The following DCLK2 variants were observed in gnomAD, a reference collection of about 807,000 sequenced individuals.
The protein encoded by DCLK2 is doublecortin like kinase 2.
In DCLK2, 31 loss-of-function variants were observed where a neutral mutation model predicts 78.4. That is an observed-to-expected ratio of 0.40 (90% CI 0.30 to 0.53). The LOEUF (loss-of-function observed/expected upper bound fraction) is 0.53, where lower values mean the gene tolerates loss of function less well. Ranked by LOEUF, DCLK2 falls within the 20% of genes least tolerant of loss-of-function variation. The pLI is 0.61. For synonymous variants in DCLK2, 407 were observed against 374.9 expected (o/e 1.09, Z -0.99); for missense variants, 872 against 973.7 (o/e 0.90, Z 1.39).
At chr4:150,179,185 G>T (rs1339719497) in intron 2 of DCLK2, among the ~76,000 whole-genome samples, 4 of 152,044 alleles carry the variant, frequency 2.6e-5, no homozygotes, top group African/African-American at 9.7e-5. Context: ...CCGCCACCAT[G>T]CCTGGCTAAT....
At chr4:150,190,267 A>G (rs376177437) in intron 2 of DCLK2, among the ~76,000 whole-genome samples, 2 of 111,504 alleles carry the variant, frequency 1.8e-5, no homozygotes, top group Non-Finnish European at 2.4e-5. Flanking sequence ...AGATAGATAG[A>G]TAGATAGATA....
intron 12 of DCLK2, among the ~76,000 whole-genome samples, chr4:150,245,523 C>T (rs1002543417): frequency 6.6e-6 from 1 of 152,236 alleles, no homozygotes; most frequent in Admixed American, 6.5e-5. Flanking sequence ...CCCCCTTCCC[C>T]TACCCCATGA....
At chr4:150,131,684 C>T (rs1733324696) in intron 2 of DCLK2, among the ~76,000 whole-genome samples, 1 of 152,098 alleles carries the variant, frequency 6.6e-6, no homozygotes, top group Admixed American at 6.6e-5. Context: ...TTGTCAAAAG[C>T]TCTTTTTATT....
chr4:150,177,618 G>T lies in DCLK2; in HGVS notation c.757-15520G>T, dbSNP rs150718411. Among the ~76,000 whole-genome samples, 125 of 152,216 alleles carry T rather than the reference G, an allele frequency of 8.2e-4. 1 individual carries two copies. The highest frequency in any genetic ancestry group is 5.6e-4 in the Non-Finnish European group (38 of 68,014). On this transcript the variant is annotated intron_variant, in intron 2 of 15. Transcript: ENST00000296550. The stretch of plus-strand genomic sequence containing the variant: ...ATGAAAAGTAATGATATTAATGATA[G>T]AATTATCTTTCAAAAGCAAAAGTTT...
intron 2 of DCLK2, among the ~76,000 whole-genome samples, chr4:150,135,165 T>TACACACACACACACACACAC (rs57866267): frequency 0.032 from 4,666 of 146,818 alleles, 90 homozygotes; most frequent in Middle Eastern, 0.059. Context: ...CATACACGTG[T>TACACACACACACACACACAC]ACACACACAC....
At chr4:150,082,495 A>G (rs1729374005) in intron 1 of DCLK2, among the ~76,000 whole-genome samples, 1 of 152,200 alleles carries the variant, frequency 6.6e-6, no homozygotes, top group Non-Finnish European at 1.5e-5. Flanking sequence ...GGAGACTAAA[A>G]GCTGTTCTAG....
intron 2 of DCLK2, among the ~76,000 whole-genome samples, chr4:150,158,885 G>A (rs1267437364): frequency 1.3e-5 from 2 of 151,988 alleles, no homozygotes; most frequent in African/African-American, 2.4e-5. Context: ...AGAAAGAAAT[G>A]CAAGCAGAAA....
In DCLK2 at chr4:150,203,811, C is replaced by A. The variant is rs1739634078; in HGVS notation, c.978C>A (p.Ser326Arg). 8.1e-6 allele frequency: 13 copies of A among 1,613,822 alleles called. No individual in the cohort carries two copies. The highest frequency in any genetic ancestry group is 1.0e-5 in the Non-Finnish European group (12 of 1,179,892). ...KSPASVNGTP[S>R]SQLSTPKSTK... ...CATGGGCAGTTAATGGAACTCCCAGCAGCCAACTTTCTACTCCTAAATCTA... is the reference window on the plus strand; with the variant it reads ...CATGGGCAGTTAATGGAACTCCCAGAAGCCAACTTTCTACTCCTAAATCTA... The change falls in exon 5 of 16, where the codon AGC becomes AGA. Residue 326 changes from serine (S) to arginine (R), a missense_variant. Physicochemically the swap from Ser to Arg is moderately radical, Grantham distance 110. Around this residue, in one of 3 missense-constraint regions of DCLK2, gnomAD observed 567 missense variants for 593.4 expected, o/e 0.96. Coordinates refer to ENST00000296550, the MANE Select transcript of DCLK2 (RefSeq NM_001040260.4).
At chr4:150,122,267 A>T (rs1732604026) in intron 2 of DCLK2, among the ~76,000 whole-genome samples, 1 of 152,222 alleles carries the variant, frequency 6.6e-6, no homozygotes, top group Admixed American at 6.5e-5. Flanking sequence ...TATATACCCA[A>T]AGGATTATAA....
intron 2 of DCLK2, among the ~76,000 whole-genome samples, chr4:150,158,933 T>C (rs1735511306): frequency 6.6e-6 from 1 of 151,954 alleles, no homozygotes; most frequent in African/African-American, 2.4e-5. Flanking sequence ...GGAATGAAAA[T>C]GCAGGGCTTA....
At chr4:150,081,737 A>T (rs1008053505) in intron 1 of DCLK2, among the ~76,000 whole-genome samples, 1 of 151,914 alleles carries the variant, frequency 6.6e-6, no homozygotes, top group Admixed American at 6.6e-5. Flanking sequence ...CACGTCTGTA[A>T]TCTCAGCACT....
At chr4:150,237,844 A>G (rs930334034) in intron 10 of DCLK2, among the ~76,000 whole-genome samples, 1 of 152,278 alleles carries the variant, frequency 6.6e-6, no homozygotes, top group African/African-American at 2.4e-5. Context: ...ATAGAAAAAT[A>G]GAAACAGGCA....
chr4:150,196,805 A>G (rs961518102), intron 3 of DCLK2, among the ~76,000 whole-genome samples: 1 of 152,210 alleles, frequency 6.6e-6, no homozygotes, highest in East Asian at 1.9e-4. Flanking sequence ...AGCAATACTT[A>G]CTTCTGGTAC....
chr4:150,208,690 C>T (rs1265203046), intron 5 of DCLK2, among the ~76,000 whole-genome samples: 1 of 151,952 alleles, frequency 6.6e-6, no homozygotes, highest in Non-Finnish European at 1.5e-5. Context: ...AGAAAAATAC[C>T]TGGTGACAAC....
chr4:150,115,746 C>T (rs867593027), intron 2 of DCLK2, among the ~76,000 whole-genome samples: 1 of 152,194 alleles, frequency 6.6e-6, no homozygotes, highest in Non-Finnish European at 1.5e-5. Context: ...TGAAGCTTAT[C>T]TCATTCCCTA....
intron 1 of DCLK2, among the ~76,000 whole-genome samples, chr4:150,092,069 C>A (rs1192873684): frequency 2.0e-5 from 3 of 151,912 alleles, no homozygotes; most frequent in Non-Finnish European, 2.9e-5. Context: ...TACATTTGTT[C>A]TTCTGTGGCT....
At chr4:150,232,221 C>T (rs1742129025) in intron 8 of DCLK2, 116 bp from the exon 9 acceptor site, 1 of 1,291,828 alleles carries the variant, frequency 7.7e-7, no homozygotes, top group African/African-American at 1.5e-5. Flanking sequence ...GTGCCAAGAG[C>T]AATGCTTTCT....
At chr4:150,146,724 C>T (rs995160978) in intron 2 of DCLK2, among the ~76,000 whole-genome samples, 1 of 152,114 alleles carries the variant, frequency 6.6e-6, no homozygotes. Context: ...TGGTTATTTA[C>T]TATTAAAGAA....
At position 150,175,011 on chromosome 4, in the gene DCLK2, A is replaced by AAAAAAAAAAAAAATATAT. The variant is rs1454035697; in HGVS notation, c.757-18126_757-18125insAAAAAAAAAAAATATATA. On this transcript the variant is annotated intron_variant, in intron 2 of 15. Coordinates refer to ENST00000296550, the MANE Select transcript of DCLK2 (RefSeq NM_001040260.4). The stretch of plus-strand genomic sequence containing the variant: ...AGACTCCGTCGCAAAAAAAAAAAAA[A>AAAAAAAAAAAAAATATAT]ATATATATATATATATATATATTTA... 6.0e-4 allele frequency among the ~76,000 whole-genome samples: 6 copies of AAAAAAAAAAAAAATATAT among 9,974 alleles called. 2 individuals are homozygous for AAAAAAAAAAAAAATATAT. The highest frequency in any genetic ancestry group is 1.4e-3 in the Non-Finnish European group (6 of 4,166). The allele number at this position is 9,974 out of a possible 152,430, so 6.5% of individuals were successfully genotyped here.
Sources: allele counts gnomAD v4.1 joint callset (sites outside exome capture counted in the v4.1 genomes callset), GRCh38; gene constraint gnomAD v4.1.1; regional missense constraint gnomAD v4.1.1; transcripts MANE v1.5; gene names NCBI Gene and HGNC (gene_info 2026-07-23, HGNC 2026-07-21).